The following PPTC7 variants were observed in gnomAD, a reference collection of about 807,000 sequenced individuals.
The protein encoded by PPTC7 is protein phosphatase targeting COQ7, also known as protein phosphatase PTC7 homolog.
PPTC7 carries 6 observed loss-of-function variants against 30.8 expected under a neutral mutation model. The observed-to-expected ratio is 0.19, with a 90% CI of 0.11 to 0.38. The LOEUF (loss-of-function observed/expected upper bound fraction) is 0.38. Ranked by LOEUF, PPTC7 falls within the 10% of genes least tolerant of loss-of-function variation. The pLI is 1.00. For missense variants in PPTC7, 218 were observed against 404.8 expected (o/e 0.54, Z 3.96); for synonymous variants, 163 against 168.1 (o/e 0.97, Z 0.23).
intron 1 of PPTC7, among the ~76,000 whole-genome samples, chr12:110,568,631 T>C (rs910236913): frequency 6.6e-6 from 1 of 152,226 alleles, no homozygotes; most frequent in Non-Finnish European, 1.5e-5. Context: ...TTGAAGTCTG[T>C]TTTGTTCATT....
rs796226807 is a variant in PPTC7 at position 110,542,299 on chromosome 12, TA to T, written c.603-2355del. On this transcript the variant is annotated intron_variant, in intron 3 of 5. Transcript: ENST00000354300. Reference sequence around the variant, plus strand: ...TGTGTCGTATGTGCAACCATTTCCGTAAAAAAAAAAAGGCAGAAAGACACAC... The same window carrying T: ...TGTGTCGTATGTGCAACCATTTCCGTAAAAAAAAAAGGCAGAAAGACACAC... Among the ~76,000 whole-genome samples, 1,166 of 141,942 alleles carry T rather than the reference TA, an allele frequency of 8.2e-3. 2 individuals carry two copies. Among genetic ancestry groups the T allele is most frequent in the Non-Finnish European group, 0.01 (674 of 64,500 alleles). The allele number at this position is 141,942 out of a possible 152,430, so 93.1% of individuals were successfully genotyped here. A position where few individuals can be genotyped will look rare whatever the true frequency, so the allele number is the denominator to read the frequency against.
chr12:110,568,455 T>C (rs930493792), intron 1 of PPTC7, among the ~76,000 whole-genome samples: 22 of 152,094 alleles, frequency 1.4e-4, no homozygotes, highest in Admixed American at 6.5e-5. Flanking sequence ...GGTTTCACCA[T>C]GTTAGCCAGG....
At chr12:110,542,151 A>AG (rs939570987) in intron 3 of PPTC7, among the ~76,000 whole-genome samples, 6 of 151,876 alleles carry the variant, frequency 4.0e-5, no homozygotes, top group African/African-American at 1.2e-4. Context: ...CTCCATCTCA[A>AG]GAAAAAAAAA....
chr12:110,539,984 C>T, intron 3 of PPTC7, 39 bp from the exon 4 acceptor site: 4 of 1,598,424 alleles, frequency 2.5e-6, no homozygotes, highest in Non-Finnish European at 3.4e-6. Context: ...TTAAGAAGGC[C>T]CTTTACAGAT....
intron 3 of PPTC7, among the ~76,000 whole-genome samples, chr12:110,545,144 G>C (rs1052472862): frequency 2.0e-5 from 3 of 151,996 alleles, no homozygotes; most frequent in Admixed American, 1.3e-4. Context: ...CCAGGCTAGA[G>C]TGCAGTGGCG....
At chr12:110,569,189 C>T (rs558094534) in intron 1 of PPTC7, among the ~76,000 whole-genome samples, 66 of 151,872 alleles carry the variant, frequency 4.3e-4, no homozygotes, top group African/African-American at 1.2e-3. Context: ...AAAAATTAGC[C>T]GGGCATGGTG....
At chr12:110,577,654 G>C (rs1219537166) in intron 1 of PPTC7, among the ~76,000 whole-genome samples, 1 of 152,060 alleles carries the variant, frequency 6.6e-6, no homozygotes, top group Admixed American at 6.6e-5. Context: ...TCCTGACCAC[G>C]ATCAAAATCA....
At chr12:110,565,153 C>A (rs11065668) in intron 1 of PPTC7, among the ~76,000 whole-genome samples, 9,885 of 150,848 alleles carry the variant, frequency 0.066, 506 homozygotes, top group African/African-American at 0.14. Flanking sequence ...TGGGATTACC[C>A]ACCACGCCTG....
intron 3 of PPTC7, among the ~76,000 whole-genome samples, chr12:110,541,252 C>T (rs2064257042): frequency 1.3e-5 from 2 of 151,752 alleles, no homozygotes; most frequent in South Asian, 4.2e-4. Flanking sequence ...CGTGGTGGCA[C>T]ACGCTTGTGA....
At chr12:110,575,869 C>T (rs967878760) in intron 1 of PPTC7, among the ~76,000 whole-genome samples, 16 of 152,004 alleles carry the variant, frequency 1.1e-4, no homozygotes, top group Admixed American at 2.0e-4. Flanking sequence ...GAAGCTATAA[C>T]AAATGAAGAA....
chr12:110,582,856 C>A lies in PPTC7; in HGVS notation c.176G>T (p.Gly59Val). The change falls in exon 1 of 6, where the codon GGG (glycine) becomes GTG (valine). Residue 59 changes from glycine to valine, a missense_variant. Physicochemically the swap from Gly to Val is moderately radical, Grantham distance 109 (BLOSUM62 -3). Transcript: ENST00000354300. ...KGLLKKGACY[G>V]DDACFVARHR... The stretch of plus-strand genomic sequence containing the variant: ...CCGGGCCACGAAGCACGCGTCGTCC[C>A]CGTAGCACGCGCCCTTCTTGAGGAG... 6.4e-7 allele frequency: 1 copy of A among 1,560,344 alleles called. No individual in the cohort carries two copies. Among genetic ancestry groups the A allele is most frequent in the East Asian group, 2.4e-5 (1 of 41,750 alleles).
At chr12:110,557,408 G>A (rs1421276672) in intron 1 of PPTC7, among the ~76,000 whole-genome samples, 2 of 152,002 alleles carry the variant, frequency 1.3e-5, no homozygotes. Flanking sequence ...CTTAGTAGCT[G>A]GGATTACAGA....
At position 110,536,673 on chromosome 12, in the gene PPTC7, A is replaced by G. The variant is rs1225470787; in HGVS notation, c.*364T>C. On this transcript the variant is annotated 3_prime_UTR_variant, in exon 6 of 6. Coordinates refer to ENST00000354300, the MANE Select transcript of PPTC7 (RefSeq NM_139283.2). ...TGTGTTAGACTTGTACCATCCCTTT[A>G]GCATACTAGGATTTTGAATTCACTT... 1 of 219,836 alleles carries G rather than the reference A, an allele frequency of 4.5e-6. No homozygotes were observed. Among genetic ancestry groups the G allele is most frequent in the Non-Finnish European group, 8.9e-6 (1 of 112,276 alleles). 13.6% of individuals were successfully genotyped at this position (219,836 alleles called of 1,614,324 possible). A position where few individuals can be genotyped will look rare whatever the true frequency, so the allele number is the denominator to read the frequency against.
At chr12:110,554,410 C>T (rs939373502) in intron 1 of PPTC7, among the ~76,000 whole-genome samples, 1 of 152,050 alleles carries the variant, frequency 6.6e-6, no homozygotes, top group Non-Finnish European at 1.5e-5. Context: ...AACTCCTGGG[C>T]TCAAGTGATC....
At chr12:110,539,728 C>A in intron 4 of PPTC7, 94 bp downstream of exon 4, 1 of 1,169,262 alleles carries the variant, frequency 8.6e-7, no homozygotes, top group Non-Finnish European at 1.2e-6. Context: ...ATAGTTCTTT[C>A]CAAAACTACA....
intron 1 of PPTC7, among the ~76,000 whole-genome samples, chr12:110,569,763 C>T (rs538407179): frequency 2.8e-4 from 42 of 152,360 alleles, no homozygotes; most frequent in African/African-American, 9.1e-4. Flanking sequence ...TCATTTCTGG[C>T]TTCCCAATTT....
In PPTC7 at chr12:110,575,230, C is replaced by T. The variant is rs529981230; in HGVS notation, c.223+7579G>A. On this transcript the variant is annotated intron_variant, in intron 1 of 5. Coordinates refer to ENST00000354300, the MANE Select transcript of PPTC7 (RefSeq NM_139283.2). ...TTAACAACTAATTTTGAAAGGCAAA[C>T]TCACATTATTTTTCATAAACTAAAA... is the stretch of plus-strand genomic sequence containing the variant. 1.2e-4 allele frequency among the ~76,000 whole-genome samples: 18 copies of T among 152,190 alleles called. 1 individual carries two copies. In the South Asian group the frequency reaches 3.5e-3, roughly 30 times the overall value.
At chr12:110,539,721 G>A in intron 4 of PPTC7, 101 bp downstream of exon 4, 1 of 1,101,366 alleles carries the variant, frequency 9.1e-7, no homozygotes. Flanking sequence ...TCACAAAATA[G>A]TTCTTTCCAA....
At chr12:110,550,131 G>A (rs2064338953) in intron 2 of PPTC7, among the ~76,000 whole-genome samples, 1 of 151,392 alleles carries the variant, frequency 6.6e-6, no homozygotes. Context: ...GAAGACAGCA[G>A]ACTGATAAAA....
Sources: allele counts gnomAD v4.1 joint callset (sites outside exome capture counted in the v4.1 genomes callset), GRCh38; gene constraint gnomAD v4.1.1; transcripts MANE v1.5; gene names NCBI Gene and HGNC (gene_info 2026-07-23, HGNC 2026-07-21).